The following RGL1 variants were observed in gnomAD, a reference collection of about 807,000 sequenced individuals.
RGL1 encodes ral guanine nucleotide dissociation stimulator like 1.
Under a neutral mutation model 95.2 loss-of-function variants are expected in RGL1, and 24 were observed. That is an observed-to-expected ratio of 0.25 (90% CI 0.18 to 0.35). The LOEUF (loss-of-function observed/expected upper bound fraction) is 0.35. RGL1 is among the 10% of genes least tolerant of loss of function. The pLI is 1.00. For synonymous variants in RGL1, 329 were observed against 344.9 expected (o/e 0.95, Z 0.51); for missense variants, 715 against 936.3 (o/e 0.76, Z 3.08).
At chr1:183,654,444 T>C (rs896866810) in intron 1 of RGL1, among the ~76,000 whole-genome samples, 2 of 152,206 alleles carry the variant, frequency 1.3e-5, no homozygotes, top group Non-Finnish European at 2.9e-5. Flanking sequence ...TAAATGACAA[T>C]CTATTGCAAA....
chr1:183,825,502 T>C lies in RGL1; in HGVS notation c.138+19017T>C, dbSNP rs116585367. Among the ~76,000 whole-genome samples, 690 of 151,956 alleles carry C rather than the reference T, an allele frequency of 4.5e-3. 9 individuals are homozygous for C. The highest frequency in any genetic ancestry group is 0.016 in the African/African-American group (664 of 41,548). On this transcript the variant is annotated intron_variant, in intron 2 of 17. Coordinates refer to ENST00000360851, the MANE Select transcript of RGL1 (RefSeq NM_001297671.3). ...CCAAAGTTTTAAATACATAAGACTG[T>C]GTACTCTAAAAACAAGTAACATCCT...
chr1:183,655,905 ACT>A (rs2102010742), intron 1 of RGL1, among the ~76,000 whole-genome samples: 1 of 152,226 alleles, frequency 6.6e-6, no homozygotes, highest in South Asian at 2.1e-4. Context: ...AAGGCTTCCA[ACT>A]CTCTGTGGGA....
intron 2 of RGL1, among the ~76,000 whole-genome samples, chr1:183,846,947 C>T (rs1664485286): frequency 6.6e-6 from 1 of 152,072 alleles, no homozygotes; most frequent in African/African-American, 2.4e-5. Flanking sequence ...AAACCTGATC[C>T]TGGTATCATT....
At chr1:183,877,888 GTTC>G (rs1421053601) in intron 4 of RGL1, among the ~76,000 whole-genome samples, 6 of 152,168 alleles carry the variant, frequency 3.9e-5, no homozygotes, top group African/African-American at 9.7e-5. Context: ...AACTCTCCTA[GTTC>G]TTCTGAGGCT....
Position 183,926,101 on chromosome 1 carries a change from T to G in RGL1, c.2120-4T>G. Reference sequence around the variant, plus strand: ...ACCATCTTATCTTTCCTTATCTTTTTCAGAACTTGTGATTCCAGACTCAGC... The same window carrying G: ...ACCATCTTATCTTTCCTTATCTTTTGCAGAACTTGTGATTCCAGACTCAGC... On this transcript the variant is annotated splice_polypyrimidine_tract_variant and splice_region_variant and intron_variant, in intron 17 of 17. Transcript: ENST00000360851. 6.2e-7 allele frequency: 1 copy of G among 1,612,420 alleles called. No individual in the cohort carries two copies. The highest frequency in any genetic ancestry group is 2.2e-5 in the East Asian group (1 of 44,844).
intron 1 of RGL1, among the ~76,000 whole-genome samples, chr1:183,691,920 T>C (rs950301527): frequency 1.3e-5 from 2 of 152,038 alleles, no homozygotes; most frequent in Admixed American, 1.3e-4. Context: ...CAACTCTTAA[T>C]GATTCAACAT....
chr1:183,924,799 C>CAA (rs758747749), intron 17 of RGL1, among the ~76,000 whole-genome samples: 5 of 111,126 alleles, frequency 4.5e-5, no homozygotes, highest in African/African-American at 1.5e-4. Context: ...CAAAAAAATA[C>CAA]AAAAAAAAAA....
At chr1:183,906,912 T>C (rs1668363209) in intron 13 of RGL1, 100 bp from the exon 14 acceptor site, 1 of 737,418 alleles carries the variant, frequency 1.4e-6, no homozygotes, top group Admixed American at 2.0e-5. Flanking sequence ...CTTTGAACAA[T>C]TAGAGCCTTC....
At chr1:183,836,879 G>A (rs892704936) in intron 2 of RGL1, among the ~76,000 whole-genome samples, 3 of 151,956 alleles carry the variant, frequency 2.0e-5, no homozygotes, top group African/African-American at 4.8e-5. Flanking sequence ...ACTAAACAAC[G>A]TCATTATTAC....
chr1:183,745,429 C>T (rs1474219319), intron 2 of RGL1, among the ~76,000 whole-genome samples: 1 of 151,968 alleles, frequency 6.6e-6, no homozygotes, highest in Non-Finnish European at 1.5e-5. Context: ...AAGATACTCT[C>T]CTGTGTTTCC....
At chr1:183,842,265 G>T (rs898743377) in intron 2 of RGL1, among the ~76,000 whole-genome samples, 2 of 151,940 alleles carry the variant, frequency 1.3e-5, no homozygotes, top group Admixed American at 1.3e-4. Flanking sequence ...ATCCTAATGA[G>T]GTTGTTTGCT....
chr1:183,812,395 G>A (rs1661784413), intron 2 of RGL1, among the ~76,000 whole-genome samples: 1 of 152,166 alleles, frequency 6.6e-6, no homozygotes. Flanking sequence ...CACATCCAGT[G>A]TGAACTCCCT....
chr1:183,733,356 A>C (rs1656746560), intron 1 of RGL1, among the ~76,000 whole-genome samples: 1 of 152,156 alleles, frequency 6.6e-6, no homozygotes, highest in South Asian at 2.1e-4. Flanking sequence ...GCTTTTGGGC[A>C]CCAGGTCATC....
At chr1:183,658,098 C>A (rs890057702) in intron 1 of RGL1, among the ~76,000 whole-genome samples, 1 of 152,200 alleles carries the variant, frequency 6.6e-6, no homozygotes, top group Non-Finnish European at 1.5e-5. Context: ...CGAATAGGAA[C>A]AGCTCCAGTC....
At chr1:183,684,599 G>A (rs971858613) in intron 1 of RGL1, among the ~76,000 whole-genome samples, 2 of 152,146 alleles carry the variant, frequency 1.3e-5, no homozygotes, top group Non-Finnish European at 1.5e-5. Flanking sequence ...GGAGTGAACC[G>A]TTCTGTCTCA....
rs1237961521 is a variant in RGL1, at chr1:183,847,702, A to T, written c.275A>T (p.Tyr92Phe). ...GCTTTTGGGGACAATGACTTTACCT[A>T]TATCAGCATCTTTCTTTCAACGTAC... ...LTAFGDNDFTYISIFLSTYRG... is the reference protein window; with the variant it reads ...LTAFGDNDFTFISIFLSTYRG... The change falls in exon 3 of 18, where the codon TAT becomes TTT. Residue 92 changes from tyrosine (Y) to phenylalanine (F), a missense_variant. Tyr to Phe is a conservative substitution (Grantham distance 22). Around this residue, in one of 3 missense-constraint regions of RGL1, gnomAD observed 381 missense variants for 484.8 expected, o/e 0.79. Transcript: ENST00000360851. The T allele has an allele frequency of 1.2e-6, 2 of 1,614,042 alleles. No homozygotes were observed. The highest frequency in any genetic ancestry group is 1.7e-6 in the Non-Finnish European group (2 of 1,179,986).
In RGL1 at chr1:183,880,783, A is replaced by G; in HGVS notation, c.593A>G (p.Gln198Arg). The G allele has an allele frequency of 6.2e-7, 1 of 1,613,888 alleles. No homozygotes were observed. Among genetic ancestry groups the G allele is most frequent in the Non-Finnish European group, 8.5e-7 (1 of 1,179,810 alleles). Residue 198 changes from glutamine to arginine, a missense_variant, in exon 5 of 18, where the codon CAA becomes CGA. Transcript: ENST00000360851. ...AATCTTCTTGAGCAGTTTCAGAAGC[A>G]AGAAGTGGAAACTGACAGTGAGTAC... Reference protein sequence around the residue: ...AQNLLEQFQKQEVETDNGLPN... With the variant: ...AQNLLEQFQKREVETDNGLPN...
chr1:183,675,940 G>T (rs1214249021), intron 1 of RGL1, among the ~76,000 whole-genome samples: 1 of 152,286 alleles, frequency 6.6e-6, no homozygotes, highest in East Asian at 1.9e-4. Context: ...GAGCCCAGGA[G>T]TTTGAGACCA....
At chr1:183,851,879 A>AACAAC (rs1558248951) in intron 3 of RGL1, among the ~76,000 whole-genome samples, 32 of 152,254 alleles carry the variant, frequency 2.1e-4, no homozygotes, top group African/African-American at 7.7e-4. Flanking sequence ...TTTAATGTCT[A>AACAAC]TAATTAAGAG....
Sources: gnomAD v4.1 joint callset for allele counts (sites outside exome capture counted in the v4.1 genomes callset) on GRCh38, gnomAD v4.1.1 for gene constraint, gnomAD v4.1.1 regional missense constraint, MANE v1.5 for transcripts, NCBI Gene and HGNC (gene_info 2026-07-23, HGNC 2026-07-21) for gene names.